Variants in DRC8 observed in about 807,000 individuals in gnomAD.
DRC8 encodes dynein regulatory complex subunit 8, also known as dynein regulatory complex protein 8.
At chr1:245,017,253 G>A in the DRC8 span, 370 of 1,608,668 alleles carry the variant, frequency 2.3e-4, no homozygotes, top group Non-Finnish European at 3.1e-4. Flanking sequence ...GATAATAGTA[G>A]CAGAATTTCA....
the DRC8 span, among the ~76,000 whole-genome samples, chr1:245,111,154 A>C: frequency 6.6e-5 from 10 of 152,174 alleles, no homozygotes; most frequent in Non-Finnish European, 1.2e-4. Flanking sequence ...TTTTGGCAAT[A>C]GGGGATAATG....
chr1:244,979,374 C>T, the DRC8 span, among the ~76,000 whole-genome samples: 31 of 136,820 alleles, frequency 2.3e-4, no homozygotes, highest in East Asian at 3.9e-3. Context: ...GGCGTGATCT[C>T]GGCTCACTGC....
At chr1:245,072,862 C>T in the DRC8 span, among the ~76,000 whole-genome samples, 126 of 152,224 alleles carry the variant, frequency 8.3e-4, 1 homozygote, top group East Asian at 0.022. Context: ...CTCTCTCTTG[C>T]TCCTGTTCTG....
chr1:244,970,728 CTTCT>C, the DRC8 span: 2 of 458,014 alleles, frequency 4.4e-6, no homozygotes, highest in Non-Finnish European at 7.5e-6. Context: ...CTCCCGCCTT[CTTCT>C]TTCTCCTCCC....
the DRC8 span, among the ~76,000 whole-genome samples, chr1:244,992,310 A>G: frequency 6.6e-6 from 1 of 152,218 alleles, no homozygotes; most frequent in Non-Finnish European, 1.5e-5. Context: ...TTTTTTGAAT[A>G]CTGCCGCCAC....
the DRC8 span, among the ~76,000 whole-genome samples, chr1:245,098,500 C>A: frequency 6.6e-6 from 1 of 152,162 alleles, no homozygotes; most frequent in Admixed American, 6.6e-5. Flanking sequence ...TCAGGGCAAT[C>A]CCAGGTCCTA....
At chr1:245,032,927 C>T in the DRC8 span, among the ~76,000 whole-genome samples, 16 of 151,202 alleles carry the variant, frequency 1.1e-4, no homozygotes, top group South Asian at 2.1e-4. Flanking sequence ...GAGGCTGAGA[C>T]GGAAGATTGC....
the DRC8 span, among the ~76,000 whole-genome samples, chr1:245,012,110 G>T: frequency 1.2e-4 from 18 of 152,238 alleles, no homozygotes; most frequent in African/African-American, 4.1e-4. Context: ...GGCTGTAAAT[G>T]CACTTTAATC....
the DRC8 span, among the ~76,000 whole-genome samples, chr1:245,020,424 G>T: frequency 6.6e-5 from 10 of 152,060 alleles, no homozygotes; most frequent in African/African-American, 1.9e-4. Flanking sequence ...GAGTCACTTT[G>T]TTATTCTCTT....
At chr1:245,024,682 G>A in the DRC8 span, among the ~76,000 whole-genome samples, 1 of 151,618 alleles carries the variant, frequency 6.6e-6, no homozygotes, top group Non-Finnish European at 1.5e-5. Flanking sequence ...TGAGAAGCTG[G>A]GATCACAGGC....
chr1:244,987,632 G>A, the DRC8 span, among the ~76,000 whole-genome samples: 1 of 117,390 alleles, frequency 8.5e-6, no homozygotes, highest in Non-Finnish European at 1.7e-5. Context: ...GCCAAGAATT[G>A]GATTCTTGAT....
At chr1:245,051,584 G>A in the DRC8 span, among the ~76,000 whole-genome samples, 1 of 152,158 alleles carries the variant, frequency 6.6e-6, no homozygotes. Flanking sequence ...CTGCAGCGCG[G>A]TGAGGCATGG....
At chr1:244,996,437 A>G in the DRC8 span, among the ~76,000 whole-genome samples, 94,449 of 152,028 alleles carry the variant, frequency 0.62, 29,460 homozygotes, top group East Asian at 0.75. Context: ...TGGAAGCCAT[A>G]TGGACGTTAC....
chr1:245,015,169 T>G, the DRC8 span, among the ~76,000 whole-genome samples: 1 of 152,194 alleles, frequency 6.6e-6, no homozygotes, highest in African/African-American at 2.4e-5. Flanking sequence ...CAGGCTGGCG[T>G]GCAGTAGTGT....
chr1:245,070,298 A>T, the DRC8 span, among the ~76,000 whole-genome samples: 4 of 152,362 alleles, frequency 2.6e-5, no homozygotes, highest in Non-Finnish European at 5.9e-5. Context: ...ATATTAATAA[A>T]TAGAAACATA....
chr1:245,086,013 C>T, the DRC8 span, among the ~76,000 whole-genome samples: 6 of 152,280 alleles, frequency 3.9e-5, no homozygotes, highest in African/African-American at 9.6e-5. Context: ...CAGAACAGAC[C>T]GCAGTGTATA....
At chr1:245,076,725 AT>A in the DRC8 span, among the ~76,000 whole-genome samples, 100 of 149,146 alleles carry the variant, frequency 6.7e-4, no homozygotes, top group East Asian at 3.0e-3. Flanking sequence ...TGTGAAATAC[AT>A]TTTTTTTTTT....
the DRC8 span, among the ~76,000 whole-genome samples, chr1:245,073,191 A>C: frequency 1.3e-5 from 2 of 152,266 alleles, no homozygotes; most frequent in Middle Eastern, 3.4e-3. Flanking sequence ...GCTGGAGTGC[A>C]GTGGCATGAT....
the DRC8 span, among the ~76,000 whole-genome samples, chr1:245,080,438 G>T: frequency 1.3e-5 from 2 of 152,222 alleles, no homozygotes; most frequent in South Asian, 2.1e-4. Flanking sequence ...TACCATATAG[G>T]TACTTAATAC....
Sources: gnomAD v4.1 joint callset for allele counts (sites outside exome capture counted in the v4.1 genomes callset) on GRCh38, gnomAD v4.1.1 for gene constraint, MANE v1.5 for transcripts, NCBI Gene and HGNC (gene_info 2026-07-23, HGNC 2026-07-21) for gene names.